CFAP95: variants seen among roughly 807,000 people sequenced by gnomAD.
CFAP95 encodes the protein cilia- and flagella-associated protein 95.
At chr9:69,853,224 A>G in the CFAP95 span, among the ~76,000 whole-genome samples, 4 of 152,132 alleles carry the variant, frequency 2.6e-5, no homozygotes, top group Admixed American at 1.3e-4. Context: ...GAAATATATA[A>G]CCTGAGAAGT....
At chr9:69,843,970 G>C in the CFAP95 span, among the ~76,000 whole-genome samples, 2 of 151,924 alleles carry the variant, frequency 1.3e-5, no homozygotes, top group African/African-American at 4.8e-5. Flanking sequence ...TAATCAAGAT[G>C]TTTGGTATAT....
At chr9:69,824,169 T>C in the CFAP95 span, among the ~76,000 whole-genome samples, 3 of 152,174 alleles carry the variant, frequency 2.0e-5, no homozygotes, top group South Asian at 2.1e-4. Context: ...GAGGTAATGG[T>C]GTGGTGGGGA....
At chr9:69,886,510 A>G in the CFAP95 span, among the ~76,000 whole-genome samples, 2 of 152,212 alleles carry the variant, frequency 1.3e-5, no homozygotes, top group Non-Finnish European at 2.9e-5. Context: ...AAAAGGCACT[A>G]TATTTGTGGG....
At chr9:69,885,857 A>G in the CFAP95 span, among the ~76,000 whole-genome samples, 1 of 152,192 alleles carries the variant, frequency 6.6e-6, no homozygotes, top group Non-Finnish European at 1.5e-5. Context: ...GCTTTCACAC[A>G]TATCATTAGT....
At chr9:69,901,498 T>C in the CFAP95 span, among the ~76,000 whole-genome samples, 11 of 151,452 alleles carry the variant, frequency 7.3e-5, no homozygotes, top group Admixed American at 6.6e-5. Flanking sequence ...GCTTCATCTA[T>C]ATCCCTACAA....
the CFAP95 span, among the ~76,000 whole-genome samples, chr9:69,843,516 C>T: frequency 6.1e-4 from 2 of 3,262 alleles, no homozygotes; most frequent in Non-Finnish European, 2.4e-3. Context: ...CCTCCTCCTC[C>T]TCCTCCTCCT....
At chr9:69,896,362 T>G in the CFAP95 span, among the ~76,000 whole-genome samples, 1 of 152,252 alleles carries the variant, frequency 6.6e-6, no homozygotes, top group Admixed American at 6.5e-5. Context: ...ATTTGTGTGA[T>G]ATTAATCTTT....
chr9:69,837,637 T>C, the CFAP95 span, among the ~76,000 whole-genome samples: 1 of 152,238 alleles, frequency 6.6e-6, no homozygotes, highest in African/African-American at 2.4e-5. Context: ...ATTAGCCCTT[T>C]GTCAGATGAG....
chr9:69,842,121 C>T, the CFAP95 span, among the ~76,000 whole-genome samples: 1 of 152,074 alleles, frequency 6.6e-6, no homozygotes, highest in African/African-American at 2.4e-5. Context: ...GGCACATAAC[C>T]CAGGGATGGT....
At chr9:69,858,609 T>A in the CFAP95 span, among the ~76,000 whole-genome samples, 1 of 152,022 alleles carries the variant, frequency 6.6e-6, no homozygotes. Flanking sequence ...AGGTGATAAA[T>A]CAAAAAATAA....
chr9:69,887,686 C>T, the CFAP95 span, among the ~76,000 whole-genome samples: 1 of 152,178 alleles, frequency 6.6e-6, no homozygotes, highest in Non-Finnish European at 1.5e-5. Context: ...TTCCTGTTGG[C>T]ACAAGCCACT....
the CFAP95 span, among the ~76,000 whole-genome samples, chr9:69,856,857 G>T: frequency 2.0e-5 from 3 of 147,958 alleles, no homozygotes; most frequent in Non-Finnish European, 4.5e-5. Context: ...TTCGTCAATT[G>T]TTTACCAATC....
chr9:69,887,210 T>C, the CFAP95 span, among the ~76,000 whole-genome samples: 1 of 152,224 alleles, frequency 6.6e-6, no homozygotes, highest in Non-Finnish European at 1.5e-5. Flanking sequence ...TATTCATTTG[T>C]ATTGCATCAA....
At chr9:69,905,303 A>G in the CFAP95 span, among the ~76,000 whole-genome samples, 1 of 152,248 alleles carries the variant, frequency 6.6e-6, no homozygotes, top group Non-Finnish European at 1.5e-5. Context: ...AAATTAGATA[A>G]TCAGTTAAAA....
the CFAP95 span, among the ~76,000 whole-genome samples, chr9:69,823,504 G>C: frequency 4.6e-5 from 7 of 152,162 alleles, no homozygotes; most frequent in African/African-American, 1.7e-4. Flanking sequence ...CTCTGGGCCT[G>C]TTTCTGCAAC....
chr9:69,834,045 A>G, the CFAP95 span, among the ~76,000 whole-genome samples: 14 of 152,366 alleles, frequency 9.2e-5, no homozygotes, highest in Middle Eastern at 6.8e-3. Flanking sequence ...TATTTAAGCC[A>G]GTAAGATTAA....
At chr9:69,844,522 G>A in the CFAP95 span, 240 of 1,590,832 alleles carry the variant, frequency 1.5e-4, no homozygotes, top group Non-Finnish European at 1.9e-4. Flanking sequence ...TTAAGGCACC[G>A]TGACAGAGAA....
At chr9:69,897,743 A>G in the CFAP95 span, among the ~76,000 whole-genome samples, 1 of 152,084 alleles carries the variant, frequency 6.6e-6, no homozygotes, top group Admixed American at 6.5e-5. Flanking sequence ...ATGGGGGTGG[A>G]GGTGGAGTGG....
the CFAP95 span, among the ~76,000 whole-genome samples, chr9:69,826,880 G>A: frequency 2.0e-5 from 3 of 152,160 alleles, no homozygotes; most frequent in Non-Finnish European, 4.4e-5. Flanking sequence ...ACTGCAGGCT[G>A]GGGCCCTATA....
Sources: allele counts gnomAD v4.1 joint callset (sites outside exome capture counted in the v4.1 genomes callset), GRCh38; gene constraint gnomAD v4.1.1; transcripts MANE v1.5; gene names NCBI Gene and HGNC (gene_info 2026-07-23, HGNC 2026-07-21).